Variants in UGGT2 observed in about 807,000 individuals in gnomAD.
UGGT2 encodes UDP-glucose:glycoprotein glucosyltransferase 2.
A neutral mutation model predicts 192.1 loss-of-function variants in UGGT2; 180 were observed. The observed-to-expected ratio is 0.94, with a 90% CI of 0.83 to 1.06. The LOEUF (loss-of-function observed/expected upper bound fraction) is 1.06, where lower values mean the gene tolerates loss of function less well. Among genes scored for constraint, UGGT2 ranks in the 50% least tolerant of loss-of-function variants. The pLI is 0.00. For missense variants in UGGT2, 1,849 were observed against 1,795.7 expected (o/e 1.03, Z -0.54); for synonymous variants, 580 against 591.0 (o/e 0.98, Z 0.27).
intron 25 of UGGT2, among the ~76,000 whole-genome samples, chr13:95,889,916 C>T (rs1181827398): frequency 1.3e-5 from 2 of 152,110 alleles, no homozygotes; most frequent in African/African-American, 4.8e-5. Flanking sequence ...GGCAGAAGTG[C>T]AGAGATGATG....
rs898601415 is a variant in UGGT2 at position 95,843,670 on chromosome 13, G to GT, written c.4285-6469dup. Among the ~76,000 whole-genome samples, 104 of 150,342 alleles carry GT rather than the reference G, an allele frequency of 6.9e-4. 2 individuals carry two copies. The East Asian group carries it at 9.5e-3, about 14-fold the overall frequency. On this transcript the variant is annotated intron_variant, in intron 36 of 38. Transcript: ENST00000376747. Reference sequence around the variant, plus strand: ...ATATTAGGGTTTAGAGGTTTTTGGGGTTTTTTTTTGGCATAAGGATATCTA... The same window carrying GT: ...ATATTAGGGTTTAGAGGTTTTTGGGGTTTTTTTTTTGGCATAAGGATATCTA...
rs74621922 is a variant in UGGT2, at chr13:95,907,117, G to A, written c.2296-4057C>T. 7.6e-3 allele frequency among the ~76,000 whole-genome samples: 1,164 copies of A among 152,320 alleles called. 8 individuals carry two copies. Among genetic ancestry groups the A allele is most frequent in the Non-Finnish European group, 0.013 (908 of 68,026 alleles). ...GACAAGGTGATTCTCTCCCGTGCCC[G>A]ACACGGCAGGTCCCACACCCACGGA... On this transcript the variant is annotated intron_variant, in intron 20 of 38. Coordinates refer to ENST00000376747, the MANE Select transcript of UGGT2 (RefSeq NM_020121.4).
At chr13:95,913,538 A>G (rs1431183178) in intron 20 of UGGT2, among the ~76,000 whole-genome samples, 1 of 152,238 alleles carries the variant, frequency 6.6e-6, no homozygotes, top group Non-Finnish European at 1.5e-5. Flanking sequence ...ACAATGAGAT[A>G]CCATCTCACA....
intron 1 of UGGT2, among the ~76,000 whole-genome samples, chr13:96,042,383 C>T (rs924586523): frequency 6.6e-6 from 1 of 152,176 alleles, no homozygotes; most frequent in African/African-American, 2.4e-5. Flanking sequence ...CAGCCCTAGA[C>T]CTTCCCTCTG....
chr13:95,861,774 C>T (rs1480294809), intron 31 of UGGT2, among the ~76,000 whole-genome samples: 2 of 151,766 alleles, frequency 1.3e-5, no homozygotes, highest in Non-Finnish European at 2.9e-5. Context: ...ATCTTGTAAT[C>T]TCCCAAATAA....
At chr13:95,832,696 T>C (rs2139878688) in intron 38 of UGGT2, 1 of 605,866 alleles carries the variant, frequency 1.7e-6, no homozygotes, top group Non-Finnish European at 3.1e-6. Context: ...TGTTACACTA[T>C]CTATCCATAT....
At position 96,023,730 on chromosome 13, in the gene UGGT2, G is replaced by T. The variant is rs1467181998; in HGVS notation, c.271C>A (p.Leu91Met). 6.2e-7 allele frequency: 1 copy of T among 1,603,310 alleles called. No homozygotes were observed. The highest frequency in any genetic ancestry group is 1.3e-5 in the African/African-American group (1 of 74,666). Residue 91 changes from leucine to methionine, a missense_variant, in exon 3 of 39, where the codon CTG becomes ATG. Coordinates refer to ENST00000376747, the MANE Select transcript of UGGT2 (RefSeq NM_020121.4). Reference protein sequence around the residue: ...ESDYSYYNLILKKAGQFLDNL... With the variant: ...ESDYSYYNLIMKKAGQFLDNL... ...TCTAGAAACTGTCCAGCTTTCTTCA[G>T]GATTAAGTTGTAATAAGAATAATCT...
chr13:95,966,321 G>GT (rs1340605554), intron 12 of UGGT2, among the ~76,000 whole-genome samples: 6 of 152,208 alleles, frequency 3.9e-5, no homozygotes, highest in Non-Finnish European at 7.4e-5. Flanking sequence ...GTTCTCACTC[G>GT]TAAGTGGGAA....
chr13:95,947,084 T>C lies in UGGT2; in HGVS notation c.1630A>G (p.Ile544Val). 6.2e-7 allele frequency: 1 copy of C among 1,611,406 alleles called. No homozygotes were observed. Among genetic ancestry groups the C allele is most frequent in the East Asian group, 2.2e-5 (1 of 44,770 alleles). The stretch of plus-strand genomic sequence containing the variant: ...TCTGATATATCAAATTCTTCTGCAA[T>C]ATAGTTGAAAGCTCGCCAGAGAGCA... ...GVALWRAFNYIAEEFDISEAF... is the reference protein window; with the variant it reads ...GVALWRAFNYVAEEFDISEAF... Residue 544 changes from isoleucine to valine, a missense_variant, in exon 15 of 39, where the codon ATT becomes GTT. Transcript: ENST00000376747.
At chr13:96,003,131 C>T (rs1258686085) in intron 5 of UGGT2, among the ~76,000 whole-genome samples, 1 of 152,052 alleles carries the variant, frequency 6.6e-6, no homozygotes, top group African/African-American at 2.4e-5. Context: ...TCCCTTGCTG[C>T]CTGTCTGTGA....
At chr13:95,838,943 A>T (rs4550324) in intron 36 of UGGT2, among the ~76,000 whole-genome samples, 9,215 of 152,080 alleles carry the variant, frequency 0.061, 617 homozygotes, top group African/African-American at 0.16. Context: ...ACCTCCAATC[A>T]ACTGATTTTA....
intron 7 of UGGT2, chr13:95,991,569 G>A (rs1018301672): frequency 1.2e-5 from 3 of 256,064 alleles, no homozygotes; most frequent in Admixed American, 4.1e-5. Context: ...ATATCTTACA[G>A]GTTTACTACA....
At chr13:96,025,170 T>C (rs994628916) in intron 2 of UGGT2, among the ~76,000 whole-genome samples, 1 of 152,196 alleles carries the variant, frequency 6.6e-6, no homozygotes, top group Non-Finnish European at 1.5e-5. Context: ...TCTGTTATCT[T>C]TGCAAATAGG....
intron 1 of UGGT2, 23 bp from the exon 2 acceptor site, chr13:96,031,994 C>A: frequency 1.9e-6 from 3 of 1,543,600 alleles, no homozygotes; most frequent in Non-Finnish European, 2.7e-6. Flanking sequence ...TAGAAGTAAT[C>A]GGTTAGTAGA....
intron 28 of UGGT2, 80 bp downstream of exon 28, chr13:95,877,618 G>A: frequency 1.4e-6 from 2 of 1,471,460 alleles, no homozygotes; most frequent in Admixed American, 2.1e-5. Flanking sequence ...GCAGAATAAA[G>A]ATTATTTCAT....
At chr13:96,049,326 T>C (rs2053416427) in intron 1 of UGGT2, among the ~76,000 whole-genome samples, 1 of 152,206 alleles carries the variant, frequency 6.6e-6, no homozygotes, top group African/African-American at 2.4e-5. Context: ...ATGGGACATA[T>C]CTCAAAATAA....
At chr13:95,896,723 G>A (rs922783693) in intron 22 of UGGT2, among the ~76,000 whole-genome samples, 4 of 152,100 alleles carry the variant, frequency 2.6e-5, no homozygotes, top group African/African-American at 9.6e-5. Context: ...CTGTGTCTTG[G>A]TTCTATTTAA....
chr13:96,001,444 C>T lies in UGGT2; in HGVS notation c.661-2137G>A, dbSNP rs559118152. 3.1e-3 allele frequency among the ~76,000 whole-genome samples: 476 copies of T among 152,240 alleles called. 3 individuals carry two copies. The highest frequency in any genetic ancestry group is 0.011 in the African/African-American group (452 of 41,536). ...AAAACGGCCCCACCCCATCTCCCTTCGCTGACTCTCTTTTCGGACTCAGCC... is the reference window on the plus strand; with the variant it reads ...AAAACGGCCCCACCCCATCTCCCTTTGCTGACTCTCTTTTCGGACTCAGCC... On this transcript the variant is annotated intron_variant, in intron 5 of 38. Coordinates refer to ENST00000376747, the MANE Select transcript of UGGT2 (RefSeq NM_020121.4).
chr13:95,963,102 G>T (rs1296307970), intron 12 of UGGT2, among the ~76,000 whole-genome samples: 1 of 152,000 alleles, frequency 6.6e-6, no homozygotes, highest in Admixed American at 6.6e-5. Context: ...TGAAATTTGG[G>T]TGGGGACACA....
Sources: allele counts gnomAD v4.1 joint callset (sites outside exome capture counted in the v4.1 genomes callset), GRCh38; gene constraint gnomAD v4.1.1; transcripts MANE v1.5; gene names NCBI Gene and HGNC (gene_info 2026-07-23, HGNC 2026-07-21).